Variants in ST8SIA5 observed in about 807,000 individuals in gnomAD.
The protein encoded by ST8SIA5 is ST8 alpha-N-acetyl-neuraminide alpha-2,8-sialyltransferase 5.
Under a neutral mutation model 40.2 loss-of-function variants are expected in ST8SIA5, and 24 were observed. The ratio of observed to expected loss-of-function variants is 0.60; its 90% CI spans 0.43 to 0.84. The LOEUF (loss-of-function observed/expected upper bound fraction) is 0.84, where lower values mean the gene tolerates loss of function less well. ST8SIA5 is among the 40% of genes least tolerant of loss of function. The pLI, the probability that ST8SIA5 is intolerant of heterozygous loss-of-function variation, is 0.00. For missense variants in ST8SIA5, 465 were observed against 498.5 expected, an observed-to-expected ratio of 0.93 and a Z score of 0.64; for synonymous variants, 198 against 201.8, an observed-to-expected ratio of 0.98 and a Z score of 0.16.
rs761706309 is a variant in ST8SIA5, at chr18:46,680,488, G to A, written c.685C>T (p.Arg229Trp). The A allele has an allele frequency of 4.4e-6, 7 of 1,594,740 alleles. No homozygotes were observed. The highest frequency in any genetic ancestry group is 3.4e-5 in the South Asian group (3 of 88,726). The change falls in exon 7 of 7, where the codon CGG becomes TGG. Residue 229 changes from arginine (R) to tryptophan (W), a missense_variant. Physicochemically the swap from Arg to Trp is moderately radical, Grantham distance 101 (BLOSUM62 -3). Coordinates refer to ENST00000315087, the MANE Select transcript of ST8SIA5 (RefSeq NM_013305.6). ...TGCAGCACGCGATAGAACGGCCGCC[G>A]CCACTTCTCCAGCTTGTGGAACCTA... ...TERFHKLEKW[R>W]RPFYRVLQVY...
At chr18:46,708,753 C>G (rs117500836) in intron 1 of ST8SIA5, among the ~76,000 whole-genome samples, 3,959 of 152,310 alleles carry the variant, frequency 0.026, 71 homozygotes, top group Non-Finnish European at 0.04. Context: ...CCACACTTCC[C>G]CCTCGCTCCC....
chr18:46,746,656 C>G (rs1300987998), intron 1 of ST8SIA5, among the ~76,000 whole-genome samples: 1 of 152,006 alleles, frequency 6.6e-6, no homozygotes, highest in South Asian at 2.1e-4. Context: ...AGGTAATTTA[C>G]AGATTCAATG....
chr18:46,735,163 G>A (rs2040021874), intron 1 of ST8SIA5, among the ~76,000 whole-genome samples: 1 of 152,242 alleles, frequency 6.6e-6, no homozygotes, highest in African/African-American at 2.4e-5. Context: ...ACCAGTGTTT[G>A]CCACGAGCTC....
intron 1 of ST8SIA5, 135 bp downstream of exon 1, chr18:46,756,243 G>A: frequency 2.3e-6 from 3 of 1,281,610 alleles, no homozygotes; most frequent in Non-Finnish European, 3.2e-6. Flanking sequence ...AGCCTAAGCG[G>A]CCATGCTCGG....
intron 1 of ST8SIA5, among the ~76,000 whole-genome samples, chr18:46,740,802 G>A (rs879306080): frequency 7.9e-5 from 12 of 152,142 alleles, no homozygotes; most frequent in Non-Finnish European, 1.2e-4. Context: ...CCTGGTAACA[G>A]TATCTATTAC....
chr18:46,686,597 T>A (rs2039450556), intron 4 of ST8SIA5, among the ~76,000 whole-genome samples: 1 of 152,084 alleles, frequency 6.6e-6, no homozygotes, highest in African/African-American at 2.4e-5. Context: ...GGGCTTCCGG[T>A]GGGACCAGCA....
At chr18:46,712,928 C>T (rs1953862135) in intron 1 of ST8SIA5, among the ~76,000 whole-genome samples, 2 of 152,138 alleles carry the variant, frequency 1.3e-5, no homozygotes, top group Non-Finnish European at 2.9e-5. Context: ...GGCATGGAGC[C>T]CTGTGCAGAT....
At chr18:46,738,885 A>C in intron 1 of ST8SIA5, among the ~76,000 whole-genome samples, 1 of 152,138 alleles carries the variant, frequency 6.6e-6, no homozygotes, top group South Asian at 2.1e-4. Flanking sequence ...CGCATCCTCA[A>C]GTCTCAGGCC....
chr18:46,707,534 C>T (rs754109689), intron 1 of ST8SIA5, among the ~76,000 whole-genome samples: 31 of 152,332 alleles, frequency 2.0e-4, no homozygotes, highest in South Asian at 1.9e-3. Context: ...ATATACCCAA[C>T]TAGGCAGCAT....
chr18:46,744,466 G>A (rs1300217014), intron 1 of ST8SIA5, among the ~76,000 whole-genome samples: 6 of 152,132 alleles, frequency 3.9e-5, no homozygotes, highest in African/African-American at 9.7e-5. Flanking sequence ...AAGAGACAAC[G>A]AAGGTCATTT....
chr18:46,731,112 G>T (rs936539214), intron 1 of ST8SIA5, among the ~76,000 whole-genome samples: 2 of 152,258 alleles, frequency 1.3e-5, no homozygotes, highest in African/African-American at 2.4e-5. Flanking sequence ...AGAAGATGCA[G>T]GTAGCGGGCT....
intron 1 of ST8SIA5, among the ~76,000 whole-genome samples, chr18:46,739,297 T>C (rs2040065776): frequency 6.6e-6 from 1 of 152,120 alleles, no homozygotes; most frequent in Non-Finnish European, 1.5e-5. Context: ...ATCCCAGCAC[T>C]TTGGGAGGCT....
chr18:46,709,795 C>T (rs59235376), intron 1 of ST8SIA5, among the ~76,000 whole-genome samples: 6 of 152,070 alleles, frequency 3.9e-5, no homozygotes, highest in African/African-American at 1.2e-4. Flanking sequence ...TGGGATGATG[C>T]GTTATTTTTT....
At chr18:46,685,594 G>A (rs2039438459) in intron 5 of ST8SIA5, among the ~76,000 whole-genome samples, 1 of 152,112 alleles carries the variant, frequency 6.6e-6, no homozygotes, top group African/African-American at 2.4e-5. Flanking sequence ...TGAGTGGCCC[G>A]ATGATTGTGG....
chr18:46,749,402 T>C (rs901685015), intron 1 of ST8SIA5, among the ~76,000 whole-genome samples: 7 of 152,158 alleles, frequency 4.6e-5, no homozygotes, highest in Non-Finnish European at 1.0e-4. Flanking sequence ...AAGAAAACGA[T>C]GAGGACTAAA....
chr18:46,680,051 G>A lies in ST8SIA5; in HGVS notation c.1122C>T (p.Ser374=), dbSNP rs1462581971. 4 of 1,602,344 alleles carry A rather than the reference G, an allele frequency of 2.5e-6. No homozygotes were observed. In the South Asian group the frequency reaches 4.5e-5, roughly 18 times the overall value. Residue 374 remains serine (S), a synonymous_variant, in exon 7 of 7, where the codon AGC becomes AGT. Transcript: ENST00000315087. ...GILRVHTGTC[S]CC The stretch of plus-strand genomic sequence containing the variant: ...GCCTGGCTGGCAGCCATCAGCAGCA[G>A]CTGCAGGTGCCCGTGTGCACGCGGA...
intron 1 of ST8SIA5, among the ~76,000 whole-genome samples, chr18:46,751,306 A>G (rs2040193171): frequency 1.3e-5 from 2 of 152,252 alleles, no homozygotes; most frequent in South Asian, 4.1e-4. Flanking sequence ...ACATTTCAGA[A>G]CTTCCTTTCT....
intron 1 of ST8SIA5, among the ~76,000 whole-genome samples, chr18:46,723,925 T>A (rs1199064775): frequency 1.3e-4 from 18 of 141,370 alleles, no homozygotes; most frequent in Non-Finnish European, 2.6e-4. Flanking sequence ...AAACTCCATC[T>A]AAAAAAAAAA....
chr18:46,718,061 G>A (rs2039810404), intron 1 of ST8SIA5, among the ~76,000 whole-genome samples: 1 of 152,156 alleles, frequency 6.6e-6, no homozygotes, highest in Non-Finnish European at 1.5e-5. Flanking sequence ...GGGTGCTGTG[G>A]CTCACGCCTG....
Sources: gnomAD v4.1 joint callset for allele counts (sites outside exome capture counted in the v4.1 genomes callset) on GRCh38, gnomAD v4.1.1 for gene constraint, MANE v1.5 for transcripts, NCBI Gene and HGNC (gene_info 2026-07-23, HGNC 2026-07-21) for gene names.